The following MORC1 variants were observed in gnomAD, a reference collection of about 807,000 sequenced individuals.
MORC1 encodes the protein MORC family CW-type zinc finger 1.
Under a neutral mutation model 134.9 loss-of-function variants are expected in MORC1, and 59 were observed. That is an observed-to-expected ratio of 0.44 (90% CI 0.35 to 0.54). MORC1 has a LOEUF of 0.54. Ranked by LOEUF, MORC1 falls within the 20% of genes least tolerant of loss-of-function variation. The pLI, the probability that MORC1 is intolerant of heterozygous loss-of-function variation, is 0.00. For synonymous variants in MORC1, 395 were observed against 391.7 expected, an observed-to-expected ratio of 1.01 and a Z score of -0.10; for missense variants, 947 against 1,134.5, an observed-to-expected ratio of 0.83 and a Z score of 2.37.
chr3:109,002,836 T>A (rs1211689478), intron 20 of MORC1, among the ~76,000 whole-genome samples: 1 of 152,194 alleles, frequency 6.6e-6, no homozygotes, highest in Non-Finnish European at 1.5e-5. Context: ...ATGACTGGCC[T>A]ATAGTACCTG....
intron 9 of MORC1, among the ~76,000 whole-genome samples, chr3:109,066,189 G>T (rs1950191812): frequency 6.6e-6 from 1 of 151,946 alleles, no homozygotes; most frequent in Non-Finnish European, 1.5e-5. Context: ...TTAAAAAAAA[G>T]AATTACCTGA....
chr3:109,023,834 A>G (rs6806728), intron 17 of MORC1, among the ~76,000 whole-genome samples: 64,288 of 152,106 alleles, frequency 0.42, 14,306 homozygotes, highest in Middle Eastern at 0.55. Context: ...GTGAAACAAT[A>G]GAAATAAAAG....
chr3:109,107,123 C>T (rs1040093481), intron 3 of MORC1, among the ~76,000 whole-genome samples: 4 of 152,230 alleles, frequency 2.6e-5, no homozygotes, highest in African/African-American at 9.6e-5. Context: ...CCCTTCCACC[C>T]TTTCCACGCT....
intron 3 of MORC1, among the ~76,000 whole-genome samples, chr3:109,107,285 C>T (rs1308006000): frequency 6.6e-6 from 1 of 152,042 alleles, no homozygotes; most frequent in East Asian, 1.9e-4. Flanking sequence ...ATTAAAATAC[C>T]TGTTCGTGTA....
chr3:108,964,759 C>A (rs1408267254), intron 26 of MORC1, among the ~76,000 whole-genome samples: 1 of 152,108 alleles, frequency 6.6e-6, no homozygotes, highest in Admixed American at 6.6e-5. Flanking sequence ...CAAATGTGCA[C>A]ATAAATCTTA....
chr3:108,976,536 G>T (rs891847767), intron 24 of MORC1, among the ~76,000 whole-genome samples: 2 of 152,168 alleles, frequency 1.3e-5, no homozygotes, highest in African/African-American at 4.8e-5. Context: ...AAGAAAACAA[G>T]AAATCTGTTT....
intron 14 of MORC1, among the ~76,000 whole-genome samples, chr3:109,039,789 A>C (rs1011410242): frequency 6.6e-6 from 1 of 152,148 alleles, no homozygotes; most frequent in Non-Finnish European, 1.5e-5. Flanking sequence ...GTATAGATGA[A>C]GAGGTGAAGG....
chr3:108,979,568 A>G lies in MORC1; in HGVS notation c.2424T>C (p.Ser808=). ...GSCKVASSPA[S]SQSTPVKETV... ...TTTCCTTGACAGGTGTGCTTTGAGA[A>G]GACGCTGGCGAAGAAGCAACTTTAC... Residue 808 remains serine (S), a synonymous_variant, in exon 24 of 28, where the codon TCT becomes TCC. Transcript: ENST00000232603. The G allele has an allele frequency of 6.2e-7, 1 of 1,614,216 alleles. No individual in the cohort carries two copies. The highest frequency in any genetic ancestry group is 8.5e-7 in the Non-Finnish European group (1 of 1,180,018).
At chr3:109,057,975 T>G (rs557316049) in intron 12 of MORC1, among the ~76,000 whole-genome samples, 2 of 152,352 alleles carry the variant, frequency 1.3e-5, no homozygotes, top group Non-Finnish European at 2.9e-5. Context: ...AAATAAGTTA[T>G]TATAATAAAG....
chr3:109,051,291 T>A lies in MORC1; in HGVS notation c.1330+3437A>T, dbSNP rs146883078. Among the ~76,000 whole-genome samples, 492 of 152,342 alleles carry A rather than the reference T, an allele frequency of 3.2e-3. 8 individuals carry two copies. The highest frequency in any genetic ancestry group is 0.021 in the East Asian group (111 of 5,184). ...TTTTCCCTAAAAACACATCAGACTT[T>A]CAGCAAATATTAAGACTGCATCTTT... On this transcript the variant is annotated intron_variant, in intron 14 of 27. Transcript: ENST00000232603.
chr3:109,040,992 GAT>G (rs1428578723), intron 14 of MORC1, among the ~76,000 whole-genome samples: 1 of 151,602 alleles, frequency 6.6e-6, no homozygotes, highest in Non-Finnish European at 1.5e-5. Flanking sequence ...TCACTAGAGG[GAT>G]ACAGAGTCAG....
intron 10 of MORC1, among the ~76,000 whole-genome samples, chr3:109,062,405 A>G (rs1264784135): frequency 6.6e-6 from 1 of 151,828 alleles, no homozygotes; most frequent in Non-Finnish European, 1.5e-5. Context: ...GGAGGAGTGA[A>G]TATGTAGAAC....
rs779043991 is a variant in MORC1, at chr3:108,986,958, CA to C, written c.2188-10del. The C allele has an allele frequency of 9.0e-6, 14 of 1,552,532 alleles. No individual in the cohort carries two copies. The Admixed American group carries it at 2.9e-4, about 33-fold the overall frequency. On this transcript the variant is annotated splice_polypyrimidine_tract_variant and intron_variant, in intron 21 of 27. Transcript: ENST00000232603. ...TTGCTTTTATCTGAAACCTGAAAAA[CA>C]AGCTCTTTATTTAAAACTGTACAAA...
chr3:109,113,339 A>G (rs955183444), intron 2 of MORC1, among the ~76,000 whole-genome samples: 5 of 152,112 alleles, frequency 3.3e-5, no homozygotes, highest in African/African-American at 1.2e-4. Flanking sequence ...AGCTCAACAG[A>G]GAGAGTTTCC....
chr3:108,983,088 A>G (rs2593955), intron 23 of MORC1, among the ~76,000 whole-genome samples: 19,958 of 152,160 alleles, frequency 0.13, 1,410 homozygotes, highest in Non-Finnish European at 0.15. Flanking sequence ...ACATGCATAC[A>G]CACACCTGCA....
At chr3:109,029,455 A>C (rs1949182496) in intron 16 of MORC1, among the ~76,000 whole-genome samples, 1 of 152,234 alleles carries the variant, frequency 6.6e-6, no homozygotes, top group African/African-American at 2.4e-5. Flanking sequence ...TTGGAAATGA[A>C]TTACACTTTA....
At chr3:108,987,103 T>C (rs1357326839) in intron 21 of MORC1, among the ~76,000 whole-genome samples, 154 bp from the exon 22 acceptor site, 8 of 152,206 alleles carry the variant, frequency 5.3e-5, no homozygotes, top group African/African-American at 1.7e-4. Context: ...GAACAAATGG[T>C]ACATGTACAA....
At chr3:109,109,722 A>C (rs1353499951) in intron 3 of MORC1, 1 of 152,276 alleles carries the variant, frequency 6.6e-6, no homozygotes, top group Non-Finnish European at 1.5e-5. Context: ...AGGGAAGAAT[A>C]AACTGGGGAG....
rs1553753628 is a variant in MORC1, at chr3:109,040,403, A to AAAGAGAAGGAAGGAAGGAAG, written c.1331-4936_1331-4935insCTTCCTTCCTTCCTTCTCTT. On this transcript the variant is annotated intron_variant, in intron 14 of 27. Coordinates refer to ENST00000232603, the MANE Select transcript of MORC1 (RefSeq NM_014429.4). ...GAAAGAAAGAAAGAAAGAAAGAAAG[A>AAAGAGAAGGAAGGAAGGAAG]GAAGGAAGGAAGGAAGGAAGGAAGG... 1.3e-3 allele frequency among the ~76,000 whole-genome samples: 18 copies of AAAGAGAAGGAAGGAAGGAAG among 13,564 alleles called. 1 individual carries two copies. Among genetic ancestry groups the AAAGAGAAGGAAGGAAGGAAG allele is most frequent in the East Asian group, 0.01 (2 of 198 alleles). The allele number at this position is 13,564 out of a possible 152,430, so 8.9% of individuals were successfully genotyped here.
Sources: allele counts gnomAD v4.1 joint callset (sites outside exome capture counted in the v4.1 genomes callset), GRCh38; gene constraint gnomAD v4.1.1; transcripts MANE v1.5; gene names NCBI Gene and HGNC (gene_info 2026-07-23, HGNC 2026-07-21).